MAN1C1: variants seen among roughly 807,000 people sequenced by gnomAD.
The protein encoded by MAN1C1 is mannosyl-oligosaccharide 1,2-alpha-mannosidase IC.
A neutral mutation model predicts 71.5 loss-of-function variants in MAN1C1; 49 were observed. The observed-to-expected ratio is 0.69, with a 90% CI of 0.54 to 0.87. The LOEUF (loss-of-function observed/expected upper bound fraction) is 0.87. MAN1C1 is among the 40% of genes least tolerant of loss of function. MAN1C1 has a pLI of 0.00. For missense variants in MAN1C1, 743 were observed against 835.0 expected (o/e 0.89, Z 1.36); for synonymous variants, 352 against 343.7 (o/e 1.02, Z -0.27).
chr1:25,667,570 C>T (rs923594496), intron 1 of MAN1C1, among the ~76,000 whole-genome samples: 2 of 150,428 alleles, frequency 1.3e-5, no homozygotes, highest in Non-Finnish European at 3.0e-5. Flanking sequence ...CCCATTAGTT[C>T]ATCACGATTA....
chr1:25,708,890 G>GA (rs559188262), intron 2 of MAN1C1, among the ~76,000 whole-genome samples: 35 of 145,070 alleles, frequency 2.4e-4, no homozygotes, highest in South Asian at 2.3e-3. Flanking sequence ...GTCAAAAGAA[G>GA]AAAAAAAAAA....
At chr1:25,747,523 C>T (rs1333563473) in intron 3 of MAN1C1, among the ~76,000 whole-genome samples, 1 of 152,192 alleles carries the variant, frequency 6.6e-6, no homozygotes, top group Non-Finnish European at 1.5e-5. Context: ...CATCCAAGCA[C>T]ACACCAGGCT....
intron 2 of MAN1C1, among the ~76,000 whole-genome samples, chr1:25,715,910 G>A (rs777369128): frequency 1.3e-5 from 2 of 152,194 alleles, no homozygotes; most frequent in African/African-American, 4.8e-5. Context: ...GTCTAGGACT[G>A]GAGTAGCGAC....
chr1:25,664,001 G>A (rs1053427828), intron 1 of MAN1C1, among the ~76,000 whole-genome samples: 1 of 152,200 alleles, frequency 6.6e-6, no homozygotes, highest in Non-Finnish European at 1.5e-5. Flanking sequence ...CCTGAGGCTG[G>A]TAGGGTTCTT....
intron 1 of MAN1C1, among the ~76,000 whole-genome samples, chr1:25,682,045 A>G (rs1254096925): frequency 2.0e-5 from 3 of 152,118 alleles, no homozygotes; most frequent in Non-Finnish European, 4.4e-5. Context: ...ATCTTGGTGT[A>G]CAAAAATGGA....
chr1:25,750,610 G>A (rs1416728023), intron 4 of MAN1C1, among the ~76,000 whole-genome samples: 3 of 152,192 alleles, frequency 2.0e-5, no homozygotes, highest in African/African-American at 7.2e-5. Context: ...CAACAGGCGG[G>A]CACCTTATCT....
chr1:25,738,037 AG>A (rs909359903), intron 2 of MAN1C1, among the ~76,000 whole-genome samples: 10 of 152,280 alleles, frequency 6.6e-5, no homozygotes, highest in South Asian at 2.1e-4. Flanking sequence ...GGTGAGGTTG[AG>A]GGCTGTTAAA....
Position 25,631,356 on chromosome 1 carries a change from C to T in MAN1C1, c.540+13019C>T, listed in dbSNP as rs980669519. Among the ~76,000 whole-genome samples the T allele has an allele frequency of 5.3e-5, 8 of 152,070 alleles. No homozygotes were observed. The highest frequency in any genetic ancestry group is 1.4e-4 in the African/African-American group (6 of 41,416). On this transcript the variant is annotated intron_variant, in intron 1 of 11. Coordinates refer to ENST00000374332, the MANE Select transcript of MAN1C1 (RefSeq NM_020379.4). The surrounding 1 kb of genome is among the most constrained non-coding windows in gnomAD (Gnocchi z 4.2). ...GGAATGCCTTAAACTTTTCCCCATT[C>T]GGTATGATGTTGGTTATGGGTTTGT...
At chr1:25,684,165 G>A (rs2046195159) in intron 1 of MAN1C1, among the ~76,000 whole-genome samples, 1 of 151,668 alleles carries the variant, frequency 6.6e-6, no homozygotes, top group South Asian at 2.1e-4. Flanking sequence ...TGCTTTAACA[G>A]CTTGCTGCTT....
chr1:25,763,315 C>T (rs139850793), intron 6 of MAN1C1, among the ~76,000 whole-genome samples: 4,846 of 151,618 alleles, frequency 0.032, 233 homozygotes, highest in African/African-American at 0.11. Context: ...ATGGTGAAAC[C>T]CTGTCTCTAC....
chr1:25,742,594 C>T (rs1424434814), intron 2 of MAN1C1, among the ~76,000 whole-genome samples: 1 of 152,204 alleles, frequency 6.6e-6, no homozygotes, highest in Non-Finnish European at 1.5e-5. Flanking sequence ...AGGAGGGCCA[C>T]ATGTACTCAC....
At chr1:25,656,930 G>A (rs774909079) in intron 1 of MAN1C1, among the ~76,000 whole-genome samples, 20 of 151,506 alleles carry the variant, frequency 1.3e-4, no homozygotes, top group Non-Finnish European at 2.2e-4. Context: ...GGTTCACACC[G>A]TTCTCCCGCC....
intron 1 of MAN1C1, among the ~76,000 whole-genome samples, chr1:25,656,828 CT>C (rs34652808): frequency 0.19 from 27,155 of 140,606 alleles, 2,626 homozygotes; most frequent in East Asian, 0.36. Context: ...AACCTTGCGT[CT>C]TTTTTTTTTT....
chr1:25,660,154 C>G (rs1411539959), intron 1 of MAN1C1, among the ~76,000 whole-genome samples: 1 of 152,150 alleles, frequency 6.6e-6, no homozygotes, highest in African/African-American at 2.4e-5. Flanking sequence ...GTAGTCCCAG[C>G]ACTTTGGGAG....
intron 1 of MAN1C1, among the ~76,000 whole-genome samples, chr1:25,668,636 A>G (rs957604380): frequency 8.6e-5 from 13 of 150,438 alleles, no homozygotes; most frequent in African/African-American, 2.5e-5. Context: ...GCTCACTGCA[A>G]CCTCCGCCTC....
chr1:25,625,861 C>T (rs547690406), intron 1 of MAN1C1, among the ~76,000 whole-genome samples: 1 of 152,270 alleles, frequency 6.6e-6, no homozygotes, highest in Non-Finnish European at 1.5e-5. Flanking sequence ...TAGTACAGTC[C>T]ATGCCCTGTG....
At chr1:25,768,784 T>C (rs1572208579) in intron 7 of MAN1C1, among the ~76,000 whole-genome samples, 3 of 83,570 alleles carry the variant, frequency 3.6e-5, no homozygotes, top group South Asian at 4.6e-4. Flanking sequence ...CCCTCACACA[T>C]ACACACATTA....
At chr1:25,739,893 A>C (rs2047036052) in intron 2 of MAN1C1, among the ~76,000 whole-genome samples, 1 of 152,068 alleles carries the variant, frequency 6.6e-6, no homozygotes, top group Admixed American at 6.5e-5. Context: ...AATGCCTCCT[A>C]GGGTCAGACT....
intron 5 of MAN1C1, among the ~76,000 whole-genome samples, chr1:25,755,103 C>T (rs368853356): frequency 2.6e-5 from 4 of 152,134 alleles, no homozygotes; most frequent in Non-Finnish European, 5.9e-5. Context: ...GGGGGAAGAA[C>T]GTGGGCCCTT....
Sources: allele counts gnomAD v4.1 joint callset (sites outside exome capture counted in the v4.1 genomes callset), GRCh38; gene constraint gnomAD v4.1.1; non-coding constraint Gnocchi (gnomAD v3.1); transcripts MANE v1.5; gene names NCBI Gene and HGNC (gene_info 2026-07-23, HGNC 2026-07-21).